The following GFOD1 variants were observed in gnomAD, a reference collection of about 807,000 sequenced individuals.
GFOD1 encodes the protein glucose-fructose oxidoreductase domain-containing protein 1.
GFOD1 carries 9 observed loss-of-function variants against 25.4 expected under a neutral mutation model. The observed-to-expected ratio is 0.35, with a 90% CI of 0.21 to 0.62. The LOEUF (loss-of-function observed/expected upper bound fraction) is 0.62, where lower values mean the gene tolerates loss of function less well. GFOD1 is among the 20% of genes least tolerant of loss of function. The pLI is 0.72. For missense variants in GFOD1, 403 were observed against 556.9 expected, an observed-to-expected ratio of 0.72 and a Z score of 2.78; for synonymous variants, 253 against 245.6, an observed-to-expected ratio of 1.03 and a Z score of -0.28.
chr6:13,486,905 G>C lies in GFOD1; in HGVS notation c.-15C>G, dbSNP rs779174840. ...CCGGGAAGCATGGCTGCTCAGAGCC[G>C]CCTGGTTCTGCTTCTGCTCGGATCT... is the stretch of plus-strand genomic sequence containing the variant. On this transcript the variant is annotated 5_prime_UTR_variant, in exon 1 of 2. Coordinates refer to ENST00000379287, the MANE Select transcript of GFOD1 (RefSeq NM_018988.4). 6.2e-7 allele frequency: 1 copy of C among 1,603,888 alleles called. No individual in the cohort carries two copies. Among genetic ancestry groups the C allele is most frequent in the South Asian group, 1.1e-5 (1 of 90,810 alleles).
intron 1 of GFOD1, among the ~76,000 whole-genome samples, chr6:13,407,697 G>A (rs2127565007): frequency 6.6e-6 from 1 of 152,182 alleles, no homozygotes; most frequent in East Asian, 1.9e-4. Context: ...CTTCTGCCCA[G>A]TTCTGAGTTT....
At chr6:13,399,236 C>A (rs184531915) in intron 1 of GFOD1, among the ~76,000 whole-genome samples, 1 of 152,212 alleles carries the variant, frequency 6.6e-6, no homozygotes, top group East Asian at 1.9e-4. Context: ...TGGTCTCGAA[C>A]TCCTGGACTC....
intron 1 of GFOD1, among the ~76,000 whole-genome samples, chr6:13,461,587 G>A (rs1758290978): frequency 6.6e-6 from 1 of 152,126 alleles, no homozygotes; most frequent in African/African-American, 2.4e-5. Flanking sequence ...GCACCACTCT[G>A]CCCCCACATT....
At chr6:13,386,863 G>T (rs777608049) in intron 1 of GFOD1, among the ~76,000 whole-genome samples, 1 of 152,090 alleles carries the variant, frequency 6.6e-6, no homozygotes, top group African/African-American at 2.4e-5. Flanking sequence ...CCCTACAGGG[G>T]GTTCAAGATT....
intron 1 of GFOD1, among the ~76,000 whole-genome samples, chr6:13,475,742 A>G (rs1450636696): frequency 8.3e-5 from 12 of 145,420 alleles, no homozygotes; most frequent in South Asian, 2.2e-4. Flanking sequence ...AATAATAATA[A>G]TAATAATAAT....
chr6:13,461,628 A>G (rs574148480), intron 1 of GFOD1, among the ~76,000 whole-genome samples: 4 of 152,236 alleles, frequency 2.6e-5, no homozygotes, highest in African/African-American at 9.6e-5. Flanking sequence ...GTCTGCTGTC[A>G]GCTGCATCTG....
chr6:13,475,391 T>C (rs1758596218), intron 1 of GFOD1, among the ~76,000 whole-genome samples: 1 of 151,860 alleles, frequency 6.6e-6, no homozygotes, highest in Non-Finnish European at 1.5e-5. Context: ...CTGACCAACA[T>C]GGTGAAAACC....
chr6:13,391,750 C>T (rs545403414), intron 1 of GFOD1, among the ~76,000 whole-genome samples: 12 of 152,282 alleles, frequency 7.9e-5, no homozygotes, highest in African/African-American at 2.9e-4. Context: ...CTCCCTAATC[C>T]TCAATTTCCT....
At chr6:13,390,018 C>T (rs1785554556) in intron 1 of GFOD1, among the ~76,000 whole-genome samples, 1 of 152,060 alleles carries the variant, frequency 6.6e-6, no homozygotes, top group Admixed American at 6.5e-5. Flanking sequence ...ACCTGCCTCT[C>T]CAGTCCCCAT....
rs182622456 is a variant in GFOD1, at chr6:13,451,752, G to A, written c.253+34886C>T. Among the ~76,000 whole-genome samples the A allele has an allele frequency of 1.4e-4, 22 of 152,318 alleles. No individual in the cohort carries two copies. In the East Asian group the frequency reaches 2.1e-3, roughly 15 times the overall value. ...TTGGGAATGCTCACCCCAAAGACAC[G>A]CTGGACACCAGGTTAAGGTCGGCAA... On this transcript the variant is annotated intron_variant, in intron 1 of 1. Transcript: ENST00000379287.
intron 1 of GFOD1, among the ~76,000 whole-genome samples, chr6:13,425,512 A>G (rs192894616): frequency 5.8e-4 from 88 of 152,312 alleles, no homozygotes; most frequent in Middle Eastern, 6.8e-3. Context: ...GAAACAGCTC[A>G]AAAATCTATT....
intron 1 of GFOD1, among the ~76,000 whole-genome samples, chr6:13,416,560 G>A (rs533972748): frequency 2.6e-5 from 4 of 152,278 alleles, no homozygotes; most frequent in Admixed American, 1.3e-4. Context: ...AAGTCAGTAC[G>A]GCTGCTGTGC....
At chr6:13,390,551 C>T (rs955810587) in intron 1 of GFOD1, among the ~76,000 whole-genome samples, 1 of 151,872 alleles carries the variant, frequency 6.6e-6, no homozygotes, top group African/African-American at 2.4e-5. Flanking sequence ...CACAGCGAAA[C>T]CTCATCTCTA....
chr6:13,445,991 G>C (rs1218182496), intron 1 of GFOD1, among the ~76,000 whole-genome samples: 3 of 152,196 alleles, frequency 2.0e-5, no homozygotes, highest in Non-Finnish European at 4.4e-5. Context: ...AGGAAGGTTA[G>C]AGAATGTCTG....
chr6:13,454,293 G>A (rs1357255652), intron 1 of GFOD1, among the ~76,000 whole-genome samples: 4 of 152,124 alleles, frequency 2.6e-5, no homozygotes, highest in Non-Finnish European at 5.9e-5. Flanking sequence ...ATTAATTTCT[G>A]TTGTTTAAGC....
chr6:13,426,930 G>A (rs1338013080), intron 1 of GFOD1, among the ~76,000 whole-genome samples: 1 of 152,180 alleles, frequency 6.6e-6, no homozygotes, highest in Non-Finnish European at 1.5e-5. Context: ...TCTGTGTCTT[G>A]GGGGAGGTTA....
intron 1 of GFOD1, among the ~76,000 whole-genome samples, chr6:13,412,068 C>T (rs1191340424): frequency 1.3e-5 from 2 of 152,218 alleles, no homozygotes; most frequent in Non-Finnish European, 2.9e-5. Context: ...AGAGCAATTC[C>T]AGCCTTAGCA....
At chr6:13,420,784 G>A (rs1028289151) in intron 1 of GFOD1, among the ~76,000 whole-genome samples, 3 of 152,170 alleles carry the variant, frequency 2.0e-5, no homozygotes, top group Non-Finnish European at 2.9e-5. Flanking sequence ...GAGGACATAC[G>A]CCTAGGCACC....
At chr6:13,431,106 G>A (rs1757741428) in intron 1 of GFOD1, among the ~76,000 whole-genome samples, 1 of 152,188 alleles carries the variant, frequency 6.6e-6, no homozygotes, top group Non-Finnish European at 1.5e-5. Context: ...GAATCACTAT[G>A]TTATATTCTG....
Sources: gnomAD v4.1 joint callset for allele counts (sites outside exome capture counted in the v4.1 genomes callset) on GRCh38, gnomAD v4.1.1 for gene constraint, MANE v1.5 for transcripts, NCBI Gene and HGNC (gene_info 2026-07-23, HGNC 2026-07-21) for gene names.